Variants in GRID2 observed in about 807,000 individuals in gnomAD.
GRID2 encodes glutamate receptor ionotropic, delta-2.
Under a neutral mutation model 114.8 loss-of-function variants are expected in GRID2, and 33 were observed. That is an observed-to-expected ratio of 0.29 (90% confidence interval 0.22 to 0.38). GRID2 has a LOEUF of 0.38. Ranked by LOEUF, GRID2 falls within the 10% of genes least tolerant of loss-of-function variation. The pLI, the probability that GRID2 is intolerant of heterozygous loss-of-function variation, is 1.00. For missense variants in GRID2, 1,184 were observed against 1,257.7 expected, an observed-to-expected ratio of 0.94 and a Z score of 0.89; for synonymous variants, 505 against 449.9, an observed-to-expected ratio of 1.12 and a Z score of -1.55.
At chr4:92,560,713 T>G (rs1262443146) in intron 1 of GRID2, among the ~76,000 whole-genome samples, 1 of 152,022 alleles carries the variant, frequency 6.6e-6, no homozygotes, top group Non-Finnish European at 1.5e-5. Flanking sequence ...GGAACTAATT[T>G]TTTTTTTCTT....
chr4:92,454,442 G>A (rs1721103763), intron 1 of GRID2, among the ~76,000 whole-genome samples: 2 of 152,136 alleles, frequency 1.3e-5, no homozygotes, highest in Admixed American at 1.3e-4. Context: ...ATCAAATGAA[G>A]CATAAATATA....
intron 2 of GRID2, among the ~76,000 whole-genome samples, chr4:92,698,910 A>G (rs1287498804): frequency 6.6e-6 from 1 of 152,206 alleles, no homozygotes; most frequent in African/African-American, 2.4e-5. Flanking sequence ...AAAACTTAAT[A>G]TCATAAAATT....
intron 8 of GRID2, among the ~76,000 whole-genome samples, chr4:93,351,444 A>G (rs572338084): frequency 8.5e-5 from 13 of 152,214 alleles, no homozygotes; most frequent in African/African-American, 2.9e-4. Flanking sequence ...GGTTATTGAC[A>G]TTCACAAGTG....
intron 14 of GRID2, among the ~76,000 whole-genome samples, chr4:93,632,987 T>C (rs1307557286): frequency 2.6e-5 from 4 of 152,140 alleles, no homozygotes; most frequent in African/African-American, 4.8e-5. Context: ...CAATTGTGAA[T>C]GGGAGTTCAC....
At chr4:92,602,506 C>T (rs1729265024) in intron 2 of GRID2, among the ~76,000 whole-genome samples, 1 of 152,156 alleles carries the variant, frequency 6.6e-6, no homozygotes, top group South Asian at 2.1e-4. Context: ...TCCAACATCC[C>T]TTCATGTTAA....
chr4:92,437,064 T>C (rs1732769136), intron 1 of GRID2, among the ~76,000 whole-genome samples: 1 of 152,226 alleles, frequency 6.6e-6, no homozygotes, highest in Admixed American at 6.5e-5. Flanking sequence ...GGACAGATTC[T>C]AGTTAATTTA....
chr4:92,677,893 A>G (rs576944659), intron 2 of GRID2, among the ~76,000 whole-genome samples: 2 of 152,132 alleles, frequency 1.3e-5, no homozygotes, highest in East Asian at 3.9e-4. Flanking sequence ...ATGTTACGTA[A>G]ATCAGATCAT....
chr4:93,105,372 A>C (rs1420805754), intron 3 of GRID2, among the ~76,000 whole-genome samples: 2 of 152,144 alleles, frequency 1.3e-5, no homozygotes, highest in Non-Finnish European at 2.9e-5. Flanking sequence ...TTAGACATGA[A>C]GTCCTTGCCC....
intron 11 of GRID2, 53 bp from the exon 12 acceptor site, chr4:93,490,586 T>G: frequency 6.9e-7 from 1 of 1,447,694 alleles, no homozygotes; most frequent in Non-Finnish European, 9.6e-7. Context: ...TGACTTCAGA[T>G]CCTCAATAAA....
intron 4 of GRID2, among the ~76,000 whole-genome samples, chr4:93,163,081 T>G (rs987324547): frequency 1.3e-5 from 2 of 151,846 alleles, no homozygotes; most frequent in African/African-American, 4.8e-5. Flanking sequence ...AAATATTCCA[T>G]GGTAAATAAC....
intron 13 of GRID2, among the ~76,000 whole-genome samples, chr4:93,600,618 G>A (rs1739575817): frequency 6.6e-6 from 1 of 152,134 alleles, no homozygotes; most frequent in African/African-American, 2.4e-5. Context: ...TATTGATGAT[G>A]TAAAATGCGT....
intron 3 of GRID2, among the ~76,000 whole-genome samples, chr4:93,105,316 A>G (rs1287393905): frequency 1.3e-5 from 2 of 151,832 alleles, no homozygotes; most frequent in Non-Finnish European, 2.9e-5. Context: ...GTTTACTTAG[A>G]CCCCATTTGT....
chr4:93,739,265 T>C (rs139527810), intron 14 of GRID2, among the ~76,000 whole-genome samples: 17 of 152,310 alleles, frequency 1.1e-4, no homozygotes, highest in African/African-American at 3.6e-4. Context: ...ATGTTTAAAC[T>C]GTGTTTATAG....
At chr4:92,655,254 T>C (rs1030734151) in intron 2 of GRID2, among the ~76,000 whole-genome samples, 1 of 151,904 alleles carries the variant, frequency 6.6e-6, no homozygotes, top group Non-Finnish European at 1.5e-5. Context: ...TCAAACTTTA[T>C]ACCAATATGT....
chr4:92,595,777 G>C (rs889766720), intron 2 of GRID2, among the ~76,000 whole-genome samples: 1 of 151,956 alleles, frequency 6.6e-6, no homozygotes, highest in Non-Finnish European at 1.5e-5. Context: ...AGCACAGTCA[G>C]AAAAAGTGCA....
At chr4:93,369,516 G>T (rs116137048) in intron 8 of GRID2, among the ~76,000 whole-genome samples, 6,232 of 152,170 alleles carry the variant, frequency 0.041, 268 homozygotes, top group African/African-American at 0.11. Flanking sequence ...TTGAGACAGG[G>T]TCTTGCTCTG....
At chr4:93,280,698 G>A (rs1752557396) in intron 8 of GRID2, among the ~76,000 whole-genome samples, 1 of 151,822 alleles carries the variant, frequency 6.6e-6, no homozygotes, top group Admixed American at 6.6e-5. Flanking sequence ...CCTGATTATG[G>A]GAAACAGATT....
At chr4:93,398,520 G>T (rs548362187) in intron 9 of GRID2, among the ~76,000 whole-genome samples, 1 of 151,892 alleles carries the variant, frequency 6.6e-6, no homozygotes, top group Non-Finnish European at 1.5e-5. Context: ...TCTGAATAAG[G>T]TGAAAGTGAG....
intron 2 of GRID2, among the ~76,000 whole-genome samples, chr4:92,759,753 G>A (rs1042183364): frequency 6.6e-6 from 1 of 150,810 alleles, no homozygotes; most frequent in Non-Finnish European, 1.5e-5. Context: ...ACAGACATGC[G>A]CCACCATGCC....
Sources: gnomAD v4.1 joint callset for allele counts (sites outside exome capture counted in the v4.1 genomes callset) on GRCh38, gnomAD v4.1.1 for gene constraint, MANE v1.5 for transcripts, NCBI Gene and HGNC (gene_info 2026-07-23, HGNC 2026-07-21) for gene names.